The following CTNNA2 variants were observed in gnomAD, a reference collection of about 807,000 sequenced individuals.
CTNNA2 encodes catenin alpha-2.
CTNNA2 carries 42 observed loss-of-function variants against 101.0 expected under a neutral mutation model. That is an observed-to-expected ratio of 0.42 (90% CI 0.32 to 0.54). The LOEUF is 0.54. CTNNA2 is among the 20% of genes least tolerant of loss of function. CTNNA2 has a pLI of 0.14. For missense variants in CTNNA2, 871 were observed against 1,223.1 expected (o/e 0.71, Z 4.29); for synonymous variants, 450 against 456.4 (o/e 0.99, Z 0.18).
intron 4 of CTNNA2, chr2:79,499,379 A>G (rs1671294379): frequency 6.6e-6 from 1 of 152,188 alleles, no homozygotes; most frequent in Admixed American, 6.5e-5. Flanking sequence ...CAATTCCCTG[A>G]TACCTTGTCT....
chr2:79,357,320 T>G (rs906105005), intron 3 of CTNNA2, among the ~76,000 whole-genome samples: 1 of 152,138 alleles, frequency 6.6e-6, no homozygotes, highest in Non-Finnish European at 1.5e-5. Context: ...AGTAAGACCC[T>G]GTCTCAAAAA....
At chr2:80,027,516 A>G (rs1695007183) in intron 7 of CTNNA2, among the ~76,000 whole-genome samples, 1 of 152,230 alleles carries the variant, frequency 6.6e-6, no homozygotes. Context: ...ATGTTGGGAC[A>G]AAAGACGAAG....
chr2:79,242,195 C>T (rs965869147), intron 2 of CTNNA2, among the ~76,000 whole-genome samples: 1 of 152,110 alleles, frequency 6.6e-6, no homozygotes, highest in Admixed American at 6.6e-5. Context: ...CTTGAGCCAC[C>T]GCGCCTGGCA....
intron 7 of CTNNA2, among the ~76,000 whole-genome samples, chr2:80,274,660 T>C (rs1422455667): frequency 6.6e-6 from 1 of 152,212 alleles, no homozygotes; most frequent in Non-Finnish European, 1.5e-5. Context: ...CCCCCTGTTT[T>C]CCCATGCTTG....
chr2:79,587,647 G>A (rs1160758911), intron 1 of CTNNA2, among the ~76,000 whole-genome samples: 1 of 152,062 alleles, frequency 6.6e-6, no homozygotes, highest in African/African-American at 2.4e-5. Flanking sequence ...CTCATTTTAT[G>A]AGGTCCTTTA....
At chr2:79,331,942 T>C (rs927934848) in intron 3 of CTNNA2, among the ~76,000 whole-genome samples, 1 of 152,214 alleles carries the variant, frequency 6.6e-6, no homozygotes, top group Non-Finnish European at 1.5e-5. Flanking sequence ...ATAGTCATAA[T>C]GGAACAGCAG....
intron 7 of CTNNA2, among the ~76,000 whole-genome samples, chr2:80,151,094 T>C (rs1348630786): frequency 6.6e-6 from 1 of 152,186 alleles, no homozygotes; most frequent in African/African-American, 2.4e-5. Flanking sequence ...CCATTCTCTT[T>C]TATGCCCCAC....
intron 6 of CTNNA2, among the ~76,000 whole-genome samples, chr2:79,891,474 A>T (rs984161973): frequency 6.6e-6 from 1 of 152,196 alleles, no homozygotes. Flanking sequence ...CAAGTTTTCC[A>T]TGGACATTTT....
At chr2:80,310,837 G>A (rs1273113548) in intron 7 of CTNNA2, among the ~76,000 whole-genome samples, 2 of 152,022 alleles carry the variant, frequency 1.3e-5, no homozygotes, top group Non-Finnish European at 1.5e-5. Flanking sequence ...GCTGGGCCTG[G>A]TGACGGGCGC....
chr2:79,285,846 C>T (rs1268119274), intron 2 of CTNNA2, among the ~76,000 whole-genome samples: 1 of 147,174 alleles, frequency 6.8e-6, no homozygotes, highest in African/African-American at 2.6e-5. Context: ...CTAATGTTGA[C>T]AGTGGGGTGT....
intron 4 of CTNNA2, among the ~76,000 whole-genome samples, chr2:79,869,346 T>A (rs1452373540): frequency 6.6e-6 from 1 of 152,218 alleles, no homozygotes; most frequent in East Asian, 1.9e-4. Context: ...ATCCCTTTAG[T>A]CCCGGTGCTA....
chr2:79,477,569 G>A (rs114556701), intron 4 of CTNNA2, among the ~76,000 whole-genome samples: 5,281 of 152,242 alleles, frequency 0.035, 128 homozygotes, highest in Non-Finnish European at 0.052. Flanking sequence ...AAAAAAATGT[G>A]TTTTTAAAAC....
At chr2:79,783,956 T>C (rs971252653) in intron 3 of CTNNA2, among the ~76,000 whole-genome samples, 9 of 152,232 alleles carry the variant, frequency 5.9e-5, no homozygotes, top group Non-Finnish European at 1.2e-4. Flanking sequence ...AAGAAACCTA[T>C]GTATTTTGAA....
intron 7 of CTNNA2, among the ~76,000 whole-genome samples, chr2:79,998,768 A>G (rs1692727657): frequency 6.6e-6 from 1 of 152,136 alleles, no homozygotes; most frequent in East Asian, 1.9e-4. Context: ...TACTATTTCG[A>G]TATTTATGCC....
At chr2:80,253,642 A>C (rs1671930536) in intron 7 of CTNNA2, among the ~76,000 whole-genome samples, 1 of 152,086 alleles carries the variant, frequency 6.6e-6, no homozygotes, top group Non-Finnish European at 1.5e-5. Flanking sequence ...CTTTTTTTGC[A>C]AACTTCCTCA....
chr2:80,494,566 G>A (rs867318634), intron 9 of CTNNA2, among the ~76,000 whole-genome samples: 1 of 149,794 alleles, frequency 6.7e-6, no homozygotes, highest in East Asian at 1.9e-4. Flanking sequence ...GACTTAGGGG[G>A]CAGAAGAGGA....
At chr2:79,685,573 G>A (rs1367148850) in intron 2 of CTNNA2, among the ~76,000 whole-genome samples, 3 of 152,244 alleles carry the variant, frequency 2.0e-5, no homozygotes, top group Middle Eastern at 3.4e-3. Flanking sequence ...ATATGTACAC[G>A]GAGTCTAGGA....
At chr2:80,331,865 T>C (rs953457724) in intron 7 of CTNNA2, among the ~76,000 whole-genome samples, 1 of 152,110 alleles carries the variant, frequency 6.6e-6, no homozygotes, top group African/African-American at 2.4e-5. Context: ...CTTGTCTCGA[T>C]CTGGGAAAAA....
intron 2 of CTNNA2, among the ~76,000 whole-genome samples, chr2:79,257,084 A>C (rs1674856121): frequency 6.6e-6 from 1 of 152,182 alleles, no homozygotes; most frequent in Non-Finnish European, 1.5e-5. Flanking sequence ...CCGTAAGTTA[A>C]AGATTGTTTC....
Sources: allele counts gnomAD v4.1 joint callset (sites outside exome capture counted in the v4.1 genomes callset), GRCh38; gene constraint gnomAD v4.1.1; transcripts MANE v1.5; gene names NCBI Gene and HGNC (gene_info 2026-07-23, HGNC 2026-07-21).